The following STK25 variants were observed in gnomAD, a reference collection of about 807,000 sequenced individuals.
The protein encoded by STK25 is serine/threonine kinase 25, also known as serine/threonine-protein kinase 25.
STK25 carries 29 observed loss-of-function variants against 53.8 expected under a neutral mutation model. That is an observed-to-expected ratio of 0.54 (90% CI 0.40 to 0.74). STK25 has a LOEUF of 0.74. Among genes scored for constraint, STK25 ranks in the 30% least tolerant of loss-of-function variants. The pLI is 0.00. For missense variants in STK25, 420 were observed against 568.0 expected, an observed-to-expected ratio of 0.74 and a Z score of 2.65; for synonymous variants, 247 against 238.3, an observed-to-expected ratio of 1.04 and a Z score of -0.33.
chr2:241,506,933 G>A (rs1010914022), intron 2 of STK25, among the ~76,000 whole-genome samples: 2 of 152,182 alleles, frequency 1.3e-5, no homozygotes, highest in Non-Finnish European at 2.9e-5. Flanking sequence ...CGCAGGTCCA[G>A]GTTGCCTGGC....
chr2:241,501,851 C>T lies in STK25; in HGVS notation c.31-143G>A. ...GCGCACCTCAATTCTTCTCTGGTTT[C>T]TTCCTTTCTCCCTTTTTGTTCAAAA... is the stretch of plus-strand genomic sequence containing the variant. On this transcript the variant is annotated intron_variant, in intron 2 of 11. Transcript: ENST00000316586. This position sits in a 1 kb window ranked among gnomAD's most constrained non-coding sequence, Gnocchi z 5.3. The T allele has an allele frequency of 1.6e-6, 1 of 624,520 alleles. No homozygotes were observed. Among genetic ancestry groups the T allele is most frequent in the Non-Finnish European group, 2.8e-6 (1 of 358,564 alleles). 38.7% of individuals were successfully genotyped at this position (624,520 alleles called of 1,614,324 possible).
rs978898930 is a variant in STK25, at chr2:241,493,657, C to A, written c.*2005G>T. Reference sequence around the variant, plus strand: ...TCACTCAGGCTGGAGTGCAGTGATACAATCTTGGCTCACTATAACCTGCAC... The same window carrying A: ...TCACTCAGGCTGGAGTGCAGTGATAAAATCTTGGCTCACTATAACCTGCAC... On this transcript the variant is annotated 3_prime_UTR_variant, in exon 12 of 12. Coordinates refer to ENST00000316586, the MANE Select transcript of STK25 (RefSeq NM_001271977.2). 3 of 576,618 alleles carry A rather than the reference C, an allele frequency of 5.2e-6. No homozygotes were observed. Among genetic ancestry groups the A allele is most frequent in the South Asian group, 4.1e-5 (2 of 48,246 alleles). 35.7% of individuals were successfully genotyped at this position (576,618 alleles called of 1,614,324 possible).
Position 241,498,350 on chromosome 2 carries a change from C to G in STK25, c.918-1G>C. Reference sequence around the variant, plus strand: ...CTCCCCGTCCTCCGCCTCGCCATCACTGAAGAGGATGAGGAGTTGCCAGGG... The same window carrying G: ...CTCCCCGTCCTCCGCCTCGCCATCAGTGAAGAGGATGAGGAGTTGCCAGGG... On this transcript the variant is annotated splice_acceptor_variant, in intron 8 of 11. Coordinates refer to ENST00000316586, the MANE Select transcript of STK25 (RefSeq NM_001271977.2). LOFTEE classifies it high-confidence loss of function. 6.3e-7 allele frequency: 1 copy of G among 1,580,014 alleles called. No homozygotes were observed. The highest frequency in any genetic ancestry group is 1.7e-5 in the Admixed American group (1 of 58,512).
At position 241,499,178 on chromosome 2, in the gene STK25, G is replaced by A; in HGVS notation, c.586-4C>T. 1.2e-6 allele frequency: 2 copies of A among 1,613,792 alleles called. No individual in the cohort carries two copies. The highest frequency in any genetic ancestry group is 2.7e-5 in the African/African-American group (2 of 75,016). ...TCCCCAGGGACCAGATGTCAGCCTG[G>A]ACAGAACACAAGGACTGTTGCTGCC... On this transcript the variant is annotated splice_polypyrimidine_tract_variant and splice_region_variant and intron_variant, in intron 6 of 11. Transcript: ENST00000316586.
intron 8 of STK25, 75 bp downstream of exon 8, chr2:241,498,564 C>T (rs1243426341): frequency 1.8e-5 from 28 of 1,526,102 alleles, no homozygotes; most frequent in Admixed American, 9.4e-5. Flanking sequence ...CCAGGGCCCA[C>T]GCCCCTGCTT....
At chr2:241,504,574 A>G (rs556122873) in intron 2 of STK25, among the ~76,000 whole-genome samples, 44 of 152,304 alleles carry the variant, frequency 2.9e-4, no homozygotes, top group African/African-American at 9.4e-4. Context: ...CTCCGGGTTG[A>G]GGGTGGGTGG....
At chr2:241,509,050 C>T (rs763324530), upstream of STK25, among the ~76,000 whole-genome samples, 5 of 152,240 alleles carry the variant, frequency 3.3e-5, no homozygotes, top group Non-Finnish European at 7.3e-5. Context: ...CTAGCCTTGT[C>T]GTCACGGCAC....
intron 2 of STK25, 130 bp downstream of exon 2, chr2:241,507,876 G>A (rs1409944792): frequency 8.6e-5 from 83 of 960,632 alleles, no homozygotes; most frequent in Admixed American, 6.9e-4. Flanking sequence ...GGCTCCGCTG[G>A]TCGCACGACG....
chr2:241,493,593 C>CTTT lies in STK25; in HGVS notation c.*2066_*2068dup. On this transcript the variant is annotated 3_prime_UTR_variant, in exon 12 of 12. Coordinates refer to ENST00000316586, the MANE Select transcript of STK25 (RefSeq NM_001271977.2). ...CCAGCATTTCCAAAAAACAGCAATGCTTTGTTTTTTTTTTTTTTGGAGATG... is the reference window on the plus strand; with the variant it reads ...CCAGCATTTCCAAAAAACAGCAATGCTTTTTTGTTTTTTTTTTTTTTGGAGATG... 4 of 629,770 alleles carry CTTT rather than the reference C, an allele frequency of 6.4e-6. No homozygotes were observed. The highest frequency in any genetic ancestry group is 7.9e-6 in the Non-Finnish European group (3 of 378,084). The allele number at this position is 629,770 out of a possible 1,614,324, so 39.0% of individuals were successfully genotyped here. A position where few individuals can be genotyped will look rare whatever the true frequency, so the allele number is the denominator to read the frequency against.
intron 2 of STK25, among the ~76,000 whole-genome samples, chr2:241,502,166 AAAAC>A (rs767224502): frequency 3.5e-4 from 54 of 152,174 alleles, no homozygotes; most frequent in East Asian, 1.9e-3. Context: ...CTCCATTAAA[AAAAC>A]AAACAAACAA....
chr2:241,501,527 C>CT lies in STK25; in HGVS notation c.211dup (p.Ser71LysfsTer38). On this transcript the variant is annotated frameshift_variant, in exon 3 of 12. Transcript: ENST00000316586. LOFTEE classifies it high-confidence loss of function. This position sits in a 1 kb window ranked among gnomAD's most constrained non-coding sequence, Gnocchi z 5.3. ...GGTGATGTAGGGGCTGTCGCACTGA[C>CT]TGAGGACAGTGATCTCCTGCTGGAT... 6.2e-7 allele frequency: 1 copy of CT among 1,614,114 alleles called. No individual in the cohort carries two copies. The highest frequency in any genetic ancestry group is 8.5e-7 in the Non-Finnish European group (1 of 1,180,042).
chr2:241,503,416 TA>T (rs2124989888), intron 2 of STK25, among the ~76,000 whole-genome samples: 1 of 147,906 alleles, frequency 6.8e-6, no homozygotes, highest in East Asian at 2.2e-4. Context: ...TGGCAGAGCA[TA>T]AAAAGGCAAA....
At position 241,492,830 on chromosome 2, in the gene STK25, G is replaced by T; in HGVS notation, c.*2832C>A. The T allele has an allele frequency of 1.4e-6, 1 of 709,240 alleles. No individual in the cohort carries two copies. The allele number at this position is 709,240 out of a possible 1,614,324, so 43.9% of individuals were successfully genotyped here. A position where few individuals can be genotyped will look rare whatever the true frequency, so the allele number is the denominator to read the frequency against. Reference sequence around the variant, plus strand: ...CAGAGGTAAAACCAAGGCCTCAGCTGGAGAAAGCATGCAGAGGCTTAGTCT... The same window carrying T: ...CAGAGGTAAAACCAAGGCCTCAGCTTGAGAAAGCATGCAGAGGCTTAGTCT... On this transcript the variant is annotated 3_prime_UTR_variant, in exon 12 of 12. Coordinates refer to ENST00000316586, the MANE Select transcript of STK25 (RefSeq NM_001271977.2).
Position 241,493,750 on chromosome 2 carries a change from C to A in STK25, c.*1912G>T, listed in dbSNP as rs1465268623. 2 of 469,004 alleles carry A rather than the reference C, an allele frequency of 4.3e-6. No homozygotes were observed. The highest frequency in any genetic ancestry group is 2.0e-5 in the African/African-American group (1 of 50,910). 29.1% of individuals were successfully genotyped at this position (469,004 alleles called of 1,614,324 possible). A position where few individuals can be genotyped will look rare whatever the true frequency, so the allele number is the denominator to read the frequency against. ...ACTGAGATTACAGGCATGCACGCCA[C>A]GCCGCCTGGCTAATTTTTGTATTTT... On this transcript the variant is annotated 3_prime_UTR_variant, in exon 12 of 12. Coordinates refer to ENST00000316586, the MANE Select transcript of STK25 (RefSeq NM_001271977.2).
intron 8 of STK25, 109 bp downstream of exon 8, chr2:241,498,530 C>A: frequency 7.0e-7 from 1 of 1,425,916 alleles, no homozygotes; most frequent in East Asian, 2.3e-5. Flanking sequence ...CCCTGCCCAA[C>A]ACTATATCTG....
chr2:241,493,053 G>A lies in STK25; in HGVS notation c.*2609C>T, dbSNP rs752098658. 2.9e-6 allele frequency: 4 copies of A among 1,386,616 alleles called. No individual in the cohort carries two copies. The African/African-American group carries it at 5.7e-5, about 20-fold the overall frequency. The allele number at this position is 1,386,616 out of a possible 1,614,324, so 85.9% of individuals were successfully genotyped here. A position where few individuals can be genotyped will look rare whatever the true frequency, so the allele number is the denominator to read the frequency against. ...ACTCATCAGGTACTGGAGTTTCACT[G>A]GAGCCCAATGCAGGTGATGCTAGCA... On this transcript the variant is annotated 3_prime_UTR_variant, in exon 12 of 12. Coordinates refer to ENST00000316586, the MANE Select transcript of STK25 (RefSeq NM_001271977.2).
In STK25 at chr2:241,493,987, G is replaced by C; in HGVS notation, c.*1675C>G. On this transcript the variant is annotated 3_prime_UTR_variant, in exon 12 of 12. Transcript: ENST00000316586. ...TGAGCACAAGATGGCTCACTGGTCTGATGGCCGCCCTCTCCTCCAGGTGGA... is the reference window on the plus strand; with the variant it reads ...TGAGCACAAGATGGCTCACTGGTCTCATGGCCGCCCTCTCCTCCAGGTGGA... 1 of 1,354,922 alleles carries C rather than the reference G, an allele frequency of 7.4e-7. No individual in the cohort carries two copies. The highest frequency in any genetic ancestry group is 2.9e-5 in the Admixed American group (1 of 34,186). 83.9% of individuals were successfully genotyped at this position (1,354,922 alleles called of 1,614,324 possible).
chr2:241,499,712 T>C, intron 5 of STK25: 1 of 512,782 alleles, frequency 2.0e-6, no homozygotes, highest in Non-Finnish European at 3.5e-6. Context: ...GAGGTGACCC[T>C]GACCAAGGGT....
At chr2:241,499,782 C>CA (rs1202067152) in intron 5 of STK25, 4 of 464,370 alleles carry the variant, frequency 8.6e-6, no homozygotes, top group African/African-American at 5.9e-5. Flanking sequence ...CCCTACATGA[C>CA]AGAGATGGCT....
Sources: allele counts gnomAD v4.1 joint callset (sites outside exome capture counted in the v4.1 genomes callset), GRCh38; gene constraint gnomAD v4.1.1; non-coding constraint Gnocchi (gnomAD v3.1); transcripts MANE v1.5; gene names NCBI Gene and HGNC (gene_info 2026-07-23, HGNC 2026-07-21).